The following ZNF804B variants were observed in gnomAD, a reference collection of about 807,000 sequenced individuals.
ZNF804B encodes zinc finger 804B.
Under a neutral mutation model 101.4 loss-of-function variants are expected in ZNF804B, and 80 were observed. The observed-to-expected ratio is 0.79, with a 90% CI of 0.66 to 0.95. The LOEUF is 0.95. ZNF804B is among the 40% of genes least tolerant of loss of function. ZNF804B has a pLI of 0.00. For missense variants in ZNF804B, 1,673 were observed against 1,561.9 expected (o/e 1.07, Z -1.20); for synonymous variants, 622 against 558.8 (o/e 1.11, Z -1.59).
chr7:88,785,764 A>T (rs1790292747), intron 1 of ZNF804B, among the ~76,000 whole-genome samples: 1 of 152,142 alleles, frequency 6.6e-6, no homozygotes, highest in Non-Finnish European at 1.5e-5. Flanking sequence ...CTGCTAGAAT[A>T]CATACATATA....
At chr7:88,980,983 A>G (rs1302663688) in intron 1 of ZNF804B, among the ~76,000 whole-genome samples, 1 of 152,028 alleles carries the variant, frequency 6.6e-6, no homozygotes, top group Non-Finnish European at 1.5e-5. Flanking sequence ...TTAGGAATCT[A>G]CTTGGCGCTC....
chr7:88,760,117 A>T, intron 1 of ZNF804B, 33 bp downstream of exon 1: 1 of 1,544,134 alleles, frequency 6.5e-7, no homozygotes, highest in Non-Finnish European at 9.0e-7. Flanking sequence ...TACATACACA[A>T]ACGTTCCAAC....
intron 1 of ZNF804B, among the ~76,000 whole-genome samples, chr7:88,820,808 G>A (rs893720059): frequency 2.0e-5 from 3 of 152,152 alleles, no homozygotes; most frequent in Non-Finnish European, 2.9e-5. Context: ...GGCAGTGACG[G>A]TGACAATGTG....
chr7:89,199,710 T>G (rs1788602756), intron 1 of ZNF804B, among the ~76,000 whole-genome samples: 1 of 151,818 alleles, frequency 6.6e-6, no homozygotes, highest in Non-Finnish European at 1.5e-5. Flanking sequence ...AATAACTAGT[T>G]TCAAAACTCA....
intron 1 of ZNF804B, among the ~76,000 whole-genome samples, chr7:89,033,907 C>A (rs1442685402): frequency 6.6e-6 from 1 of 151,980 alleles, no homozygotes; most frequent in Non-Finnish European, 1.5e-5. Context: ...GAACTATGAT[C>A]ATTTATTGCA....
chr7:88,937,049 G>A (rs181525028), intron 1 of ZNF804B, among the ~76,000 whole-genome samples: 21 of 150,846 alleles, frequency 1.4e-4, no homozygotes, highest in South Asian at 4.2e-4. Flanking sequence ...AGCAGATTAG[G>A]CTGTTGGAAA....
chr7:88,951,313 G>T (rs916642177), intron 1 of ZNF804B, among the ~76,000 whole-genome samples: 14 of 151,828 alleles, frequency 9.2e-5, no homozygotes, highest in African/African-American at 3.1e-4. Flanking sequence ...TGCAGACATT[G>T]CTTCAACATT....
intron 1 of ZNF804B, among the ~76,000 whole-genome samples, chr7:88,936,359 A>G (rs1485177054): frequency 1.3e-5 from 2 of 152,048 alleles, no homozygotes; most frequent in African/African-American, 2.4e-5. Context: ...GCCAAATTAA[A>G]CTGACAATAG....
intron 2 of ZNF804B, among the ~76,000 whole-genome samples, chr7:89,306,879 C>G (rs895815082): frequency 2.6e-5 from 4 of 151,948 alleles, no homozygotes; most frequent in Non-Finnish European, 5.9e-5. Flanking sequence ...TTACAAGGAA[C>G]AGCCATTGTT....
At chr7:88,843,217 T>A (rs1791313324) in intron 1 of ZNF804B, among the ~76,000 whole-genome samples, 1 of 152,130 alleles carries the variant, frequency 6.6e-6, no homozygotes, top group Non-Finnish European at 1.5e-5. Context: ...ACTCAGTTAT[T>A]GTTGAATTCT....
At chr7:88,817,190 A>G (rs553811625) in intron 1 of ZNF804B, among the ~76,000 whole-genome samples, 1 of 152,130 alleles carries the variant, frequency 6.6e-6, no homozygotes, top group Admixed American at 6.5e-5. Context: ...ATGAGAACAC[A>G]TGGACACAAG....
At chr7:89,128,337 G>T (rs928480820) in intron 1 of ZNF804B, among the ~76,000 whole-genome samples, 18 of 151,790 alleles carry the variant, frequency 1.2e-4, no homozygotes, top group African/African-American at 4.4e-4. Flanking sequence ...ATGAAAGCTA[G>T]ATTTAACCAT....
At position 89,213,113 on chromosome 7, in the gene ZNF804B, A is replaced by AT. The variant is rs763719714; in HGVS notation, c.109-5033dup. 5.3e-5 allele frequency among the ~76,000 whole-genome samples: 8 copies of AT among 151,886 alleles called. No homozygotes were observed. In the South Asian group the frequency reaches 1.0e-3, roughly 20 times the overall value. On this transcript the variant is annotated intron_variant, in intron 1 of 3. Transcript: ENST00000333190. The stretch of plus-strand genomic sequence containing the variant: ...AGCTAGTCAGGTCTCAAAGACAAAG[A>AT]TTTTTTTTTCCTATTATAAAAACAG...
intron 2 of ZNF804B, among the ~76,000 whole-genome samples, chr7:89,240,411 TTCTC>T (rs1789350350): frequency 6.6e-6 from 1 of 152,040 alleles, no homozygotes. Flanking sequence ...AAGTTTTTTT[TTCTC>T]TCTTTCTCTT....
chr7:88,903,768 G>A (rs527682126), intron 1 of ZNF804B, among the ~76,000 whole-genome samples: 5 of 152,144 alleles, frequency 3.3e-5, no homozygotes, highest in South Asian at 2.1e-4. Context: ...AGAAGTATCC[G>A]TCCATGCCCT....
At chr7:89,296,213 C>T (rs1471103608) in intron 2 of ZNF804B, among the ~76,000 whole-genome samples, 2 of 151,976 alleles carry the variant, frequency 1.3e-5, no homozygotes, top group Non-Finnish European at 2.9e-5. Flanking sequence ...AAACACTAAA[C>T]TTCCTTGTTA....
intron 1 of ZNF804B, among the ~76,000 whole-genome samples, chr7:89,019,561 T>C (rs900246765): frequency 6.6e-6 from 1 of 152,078 alleles, no homozygotes; most frequent in Non-Finnish European, 1.5e-5. Context: ...AGCTATCCAA[T>C]TCTGAAAGTT....
At chr7:89,051,893 G>A (rs1241841179) in intron 1 of ZNF804B, among the ~76,000 whole-genome samples, 1 of 152,026 alleles carries the variant, frequency 6.6e-6, no homozygotes, top group Non-Finnish European at 1.5e-5. Context: ...TTTATAAAAT[G>A]GAAAGAATAC....
rs2116015099 is a variant in ZNF804B at position 89,337,887 on chromosome 7, T to G, written c.*855T>G. On this transcript the variant is annotated 3_prime_UTR_variant, in exon 4 of 4. Transcript: ENST00000333190. ...TTTATTATTCTTCTACTCAAAAATT[T>G]TACTACGTTCAGCCAATACATGTAT... 6.6e-6 allele frequency among the ~76,000 whole-genome samples: 1 copy of G among 152,230 alleles called. No individual in the cohort carries two copies. Among genetic ancestry groups the G allele is most frequent in the South Asian group, 2.1e-4 (1 of 4,828 alleles).
Sources: gnomAD v4.1 joint callset for allele counts (sites outside exome capture counted in the v4.1 genomes callset) on GRCh38, gnomAD v4.1.1 for gene constraint, MANE v1.5 for transcripts, NCBI Gene and HGNC (gene_info 2026-07-23, HGNC 2026-07-21) for gene names.